TLL1: variants seen among roughly 807,000 people sequenced by gnomAD.
TLL1 encodes tolloid like 1, also known as tolloid-like protein 1.
A neutral mutation model predicts 128.2 loss-of-function variants in TLL1; 49 were observed. The observed-to-expected ratio is 0.38, with a 90% CI of 0.30 to 0.48. TLL1 has a LOEUF of 0.48. TLL1 is among the 20% of genes least tolerant of loss of function. The probability of loss-of-function intolerance (pLI) is 0.96; values close to 1 mark genes in which losing one functional copy is unlikely to be tolerated. For missense variants in TLL1, 1,123 were observed against 1,242.0 expected (o/e 0.90, Z 1.44); for synonymous variants, 454 against 418.8 (o/e 1.08, Z -1.03).
At chr4:166,073,961 C>T (rs921612180) in intron 16 of TLL1, among the ~76,000 whole-genome samples, 3 of 152,038 alleles carry the variant, frequency 2.0e-5, no homozygotes, top group Non-Finnish European at 2.9e-5. Context: ...GTCTGAGTGA[C>T]GTGCCATCAT....
intron 1 of TLL1, among the ~76,000 whole-genome samples, chr4:165,891,173 C>T (rs1731385293): frequency 6.6e-6 from 1 of 152,224 alleles, no homozygotes; most frequent in Admixed American, 6.5e-5. Flanking sequence ...GCCTGTGAAA[C>T]CATTTTTTCC....
In TLL1 at chr4:166,104,000, C is replaced by T. The variant is rs553444396; in HGVS notation, c.*3124C>T. The T allele has an allele frequency of 1.1e-4, 17 of 152,000 alleles. No individual in the cohort carries two copies. In the South Asian group the frequency reaches 3.1e-3, roughly 28 times the overall value. The allele number at this position is 152,000 out of a possible 1,614,324, so 9.4% of individuals were successfully genotyped here. On this transcript the variant is annotated 3_prime_UTR_variant, in exon 21 of 21. Coordinates refer to ENST00000061240, the MANE Select transcript of TLL1 (RefSeq NM_012464.5). The stretch of plus-strand genomic sequence containing the variant: ...ATGAGAAGTAATTGTGTTTCCAAAA[C>T]CCTCAAATATCCCATTCCTATACTG...
At chr4:165,896,709 T>A (rs1334534138) in intron 1 of TLL1, among the ~76,000 whole-genome samples, 1 of 152,126 alleles carries the variant, frequency 6.6e-6, no homozygotes, top group Non-Finnish European at 1.5e-5. Context: ...AGTCTTGATC[T>A]CCTGACCTCA....
chr4:165,960,610 T>C (rs1400937541), intron 1 of TLL1, among the ~76,000 whole-genome samples: 2 of 152,094 alleles, frequency 1.3e-5, no homozygotes, highest in Admixed American at 6.6e-5. Context: ...AAAAGTTAAT[T>C]CACCACAATC....
At chr4:165,972,705 C>T (rs916158002) in intron 1 of TLL1, among the ~76,000 whole-genome samples, 1 of 152,156 alleles carries the variant, frequency 6.6e-6, no homozygotes, top group Non-Finnish European at 1.5e-5. Context: ...TTATAATTAC[C>T]TCTACCTGGC....
At chr4:166,009,535 C>T (rs1343212614) in intron 7 of TLL1, among the ~76,000 whole-genome samples, 2 of 151,398 alleles carry the variant, frequency 1.3e-5, no homozygotes, top group Non-Finnish European at 3.0e-5. Context: ...CCCACACCTG[C>T]TTATGAGTTG....
intron 9 of TLL1, among the ~76,000 whole-genome samples, chr4:166,035,525 A>G (rs764123942): frequency 2.0e-5 from 3 of 152,148 alleles, no homozygotes; most frequent in Non-Finnish European, 4.4e-5. Flanking sequence ...GATTCATTCA[A>G]CCTCAGAATG....
At chr4:165,879,397 A>G (rs1010447242) in intron 1 of TLL1, among the ~76,000 whole-genome samples, 3 of 152,164 alleles carry the variant, frequency 2.0e-5, no homozygotes, top group African/African-American at 7.2e-5. Context: ...CCAATAGTTA[A>G]AACAATATTC....
intron 1 of TLL1, among the ~76,000 whole-genome samples, chr4:165,954,429 TACTGGGAGAAAAACACAGTAAAGC>T (rs1174562801): frequency 6.6e-6 from 1 of 152,096 alleles, no homozygotes; most frequent in Non-Finnish European, 1.5e-5. Context: ...TTAATAATAG[TACTGGGAGAAAAACACAGTAAAGC>T]ACAGCATTAG....
intron 2 of TLL1, 129 bp downstream of exon 2, chr4:165,989,620 A>G (rs576016955): frequency 1.0e-4 from 65 of 650,190 alleles, no homozygotes; most frequent in Middle Eastern, 6.1e-4. Flanking sequence ...ACAAATATAC[A>G]TATTTAGAAA....
chr4:166,084,428 T>C (rs1741414137), intron 18 of TLL1, among the ~76,000 whole-genome samples: 1 of 152,144 alleles, frequency 6.6e-6, no homozygotes, highest in South Asian at 2.1e-4. Context: ...ATCGTCTGTG[T>C]TTTTGGAGTG....
chr4:166,080,515 C>T lies in TLL1; in HGVS notation c.2442+2485C>T, dbSNP rs140438927. Among the ~76,000 whole-genome samples, 134 of 152,120 alleles carry T rather than the reference C, an allele frequency of 8.8e-4. 2 individuals carry two copies. The highest frequency in any genetic ancestry group is 7.1e-4 in the Non-Finnish European group (48 of 67,992). On this transcript the variant is annotated intron_variant, in intron 18 of 20. Transcript: ENST00000061240. ...ATTCCATTTGATATAAACATAGGGG[C>T]CATGTGCTCGAGTCTGTTCTGTTGA...
At chr4:165,926,829 G>A (rs1733292416) in intron 1 of TLL1, among the ~76,000 whole-genome samples, 1 of 152,096 alleles carries the variant, frequency 6.6e-6, no homozygotes, top group South Asian at 2.1e-4. Flanking sequence ...GGAAGTTCCT[G>A]GTTTGTGCAG....
chr4:165,996,044 T>C (rs142315533), intron 5 of TLL1, among the ~76,000 whole-genome samples: 39 of 152,270 alleles, frequency 2.6e-4, no homozygotes, highest in African/African-American at 8.7e-4. Context: ...CATCTTCATG[T>C]TTTTGCTCAT....
intron 9 of TLL1, chr4:166,030,443 T>C (rs1250924445): frequency 5.2e-6 from 3 of 580,996 alleles, no homozygotes; most frequent in Middle Eastern, 2.5e-4. Context: ...TATTTTCTCC[T>C]CCTTCACAGG....
In TLL1 at chr4:166,025,378, T is replaced by C; in HGVS notation, c.1105T>C (p.Tyr369His). The change falls in exon 9 of 21, where the codon TAC becomes CAC. Residue 369 changes from tyrosine (Y) to histidine (H), a missense_variant. Transcript: ENST00000061240. ...TTCCTCTCCAGGATTTCCCAATGGC[T>C]ACCCTTCTTACACACACTGCATCTG... ...NLSSPGFPNGYPSYTHCIWRV... is the reference protein window; with the variant it reads ...NLSSPGFPNGHPSYTHCIWRV... 2.5e-6 allele frequency: 4 copies of C among 1,614,004 alleles called. No individual in the cohort carries two copies. The highest frequency in any genetic ancestry group is 3.4e-6 in the Non-Finnish European group (4 of 1,179,924).
intron 10 of TLL1, among the ~76,000 whole-genome samples, chr4:166,041,341 G>A (rs773334928): frequency 2.1e-5 from 3 of 142,134 alleles, no homozygotes; most frequent in African/African-American, 5.2e-5. Flanking sequence ...TTGCTCTGTC[G>A]CCAGGCTGGA....
chr4:166,052,580 C>G (rs748421464), intron 12 of TLL1, among the ~76,000 whole-genome samples: 25 of 152,226 alleles, frequency 1.6e-4, no homozygotes, highest in African/African-American at 4.6e-4. Context: ...CAGGTGTGAG[C>G]CACCGTGCCT....
At chr4:166,071,246 G>T (rs1043387442) in intron 16 of TLL1, among the ~76,000 whole-genome samples, 14 of 151,854 alleles carry the variant, frequency 9.2e-5, no homozygotes, top group African/African-American at 3.4e-4. Context: ...CTTGATACAG[G>T]TTGCAACTTC....
Sources: allele counts gnomAD v4.1 joint callset (sites outside exome capture counted in the v4.1 genomes callset), GRCh38; gene constraint gnomAD v4.1.1; transcripts MANE v1.5; gene names NCBI Gene and HGNC (gene_info 2026-07-23, HGNC 2026-07-21).